The following PUS10 variants were observed in gnomAD, a reference collection of about 807,000 sequenced individuals.
PUS10 encodes the protein pseudouridine synthase 10, also known as tRNA pseudouridine synthase Pus10.
PUS10 carries 59 observed loss-of-function variants against 75.0 expected under a neutral mutation model. The observed-to-expected ratio is 0.79, with a 90% CI of 0.64 to 0.98. The LOEUF (loss-of-function observed/expected upper bound fraction) is 0.98, where lower values mean the gene tolerates loss of function less well. Ranked by LOEUF, PUS10 falls within the 50% of genes least tolerant of loss-of-function variation. PUS10 has a pLI of 0.00. For synonymous variants in PUS10, 219 were observed against 211.6 expected, an observed-to-expected ratio of 1.03 and a Z score of -0.30; for missense variants, 650 against 614.4, an observed-to-expected ratio of 1.06 and a Z score of -0.61.
chr2:60,988,155 G>A (rs1677840951), intron 4 of PUS10, among the ~76,000 whole-genome samples: 1 of 151,922 alleles, frequency 6.6e-6, no homozygotes, highest in African/African-American at 2.4e-5. Context: ...CTAGGCTCAC[G>A]AGATGTCAAA....
At chr2:60,995,415 TTTG>T (rs893765554) in intron 4 of PUS10, among the ~76,000 whole-genome samples, 6 of 152,238 alleles carry the variant, frequency 3.9e-5, no homozygotes, top group Admixed American at 3.3e-4. Flanking sequence ...TACATATATA[TTTG>T]TTATTATTAT....
intron 4 of PUS10, among the ~76,000 whole-genome samples, chr2:60,994,551 T>C (rs1678326036): frequency 6.6e-6 from 1 of 152,178 alleles, no homozygotes; most frequent in African/African-American, 2.4e-5. Flanking sequence ...AGTGCTAAAA[T>C]TGTAATTTAA....
intron 12 of PUS10, 37 bp downstream of exon 12, chr2:60,954,981 A>G (rs751030241): frequency 2.9e-6 from 4 of 1,375,096 alleles, no homozygotes; most frequent in Non-Finnish European, 3.0e-6. Context: ...ATAATCAGAA[A>G]GTTAGTTCTA....
intron 4 of PUS10, among the ~76,000 whole-genome samples, chr2:60,992,447 T>C (rs1678150193): frequency 6.6e-6 from 1 of 152,232 alleles, no homozygotes; most frequent in African/African-American, 2.4e-5. Flanking sequence ...GTCATGAATT[T>C]CTGTGATGCT....
intron 1 of PUS10, among the ~76,000 whole-genome samples, chr2:61,015,301 G>C (rs998925589): frequency 6.6e-6 from 1 of 152,140 alleles, no homozygotes. Context: ...TGGAGTTCAA[G>C]ACCAGCCTGG....
intron 4 of PUS10, among the ~76,000 whole-genome samples, chr2:60,996,793 A>G (rs61050870): frequency 6.6e-6 from 1 of 152,168 alleles, no homozygotes; most frequent in East Asian, 1.9e-4. Context: ...TGCCCATAGC[A>G]TATCTTCTTT....
chr2:61,008,732 G>T lies in PUS10; in HGVS notation c.381+29C>A, dbSNP rs1679401206. On this transcript the variant is annotated intron_variant, in intron 3 of 17. Transcript: ENST00000316752. ...TAAGACTGAAAATCTCTACATAATT[G>T]CACCTATAATGAAAAACAGGTTATT... 2.0e-6 allele frequency: 3 copies of T among 1,472,102 alleles called. No individual in the cohort carries two copies. The East Asian group carries it at 6.9e-5, about 34-fold the overall frequency. 91.2% of individuals were successfully genotyped at this position (1,472,102 alleles called of 1,614,324 possible). A position where few individuals can be genotyped will look rare whatever the true frequency, so the allele number is the denominator to read the frequency against.
intron 6 of PUS10, chr2:60,966,909 C>T (rs1414765047): frequency 6.6e-6 from 1 of 152,304 alleles, no homozygotes; most frequent in East Asian, 1.9e-4. Flanking sequence ...TTAAGATGAC[C>T]TTCCTGTTTT....
intron 16 of PUS10, 145 bp downstream of exon 16, chr2:60,947,898 A>C (rs944417764): frequency 1.4e-6 from 1 of 738,330 alleles, no homozygotes; most frequent in African/African-American, 1.8e-5. Context: ...CACATCCAAC[A>C]AAGAAACAAA....
rs777322725 is a variant in PUS10 at position 60,991,361 on chromosome 2, ATG to A, written c.468+15194_468+15195del. 4.4e-3 allele frequency among the ~76,000 whole-genome samples: 382 copies of A among 86,998 alleles called. 4 individuals are homozygous for A. The highest frequency in any genetic ancestry group is 0.041 in the Middle Eastern group (6 of 146). The allele number at this position is 86,998 out of a possible 152,430, so 57.1% of individuals were successfully genotyped here. A position where few individuals can be genotyped will look rare whatever the true frequency, so the allele number is the denominator to read the frequency against. On this transcript the variant is annotated intron_variant, in intron 4 of 17. Coordinates refer to ENST00000316752, the MANE Select transcript of PUS10 (RefSeq NM_144709.4). ...AAATAATGTCACATGAGATTTAAAC[ATG>A]TGTCAAATTAAAACACACACAATGA...
At chr2:61,009,821 G>A (rs1679481801) in intron 2 of PUS10, 1 of 152,200 alleles carries the variant, frequency 6.6e-6, no homozygotes. Flanking sequence ...TTTACTGACT[G>A]TAAAGGGAAA....
chr2:61,000,845 C>A (rs1354822295), intron 4 of PUS10, among the ~76,000 whole-genome samples: 1 of 151,926 alleles, frequency 6.6e-6, no homozygotes, highest in Non-Finnish European at 1.5e-5. Flanking sequence ...GATTTTTCAC[C>A]AAAAAAATTT....
intron 4 of PUS10, among the ~76,000 whole-genome samples, chr2:60,986,709 C>G (rs988756468): frequency 6.6e-6 from 1 of 152,172 alleles, no homozygotes; most frequent in Non-Finnish European, 1.5e-5. Context: ...GTTTAGTGTG[C>G]CTGCCATCTC....
chr2:60,952,096 G>A (rs962344603), intron 15 of PUS10, among the ~76,000 whole-genome samples: 6 of 152,246 alleles, frequency 3.9e-5, no homozygotes, highest in African/African-American at 1.4e-4. Flanking sequence ...AGCACTTTGG[G>A]AGGCTGGGGC....
In PUS10 at chr2:60,961,551, G is replaced by A. The variant is rs781360248; in HGVS notation, c.789-3C>T. The A allele has an allele frequency of 5.6e-6, 9 of 1,610,916 alleles. No homozygotes were observed. Among genetic ancestry groups the A allele is most frequent in the Non-Finnish European group, 6.8e-6 (8 of 1,177,398 alleles). On this transcript the variant is annotated splice_region_variant and splice_polypyrimidine_tract_variant and intron_variant, in intron 9 of 17. Coordinates refer to ENST00000316752, the MANE Select transcript of PUS10 (RefSeq NM_144709.4). ...AGTTTGGAGGACAAGGAAACTGCCT[G>A]CAAAACAAAATAAATTTTATAGCTA...
At position 60,960,379 on chromosome 2, in the gene PUS10, T is replaced by C; in HGVS notation, c.1000+13A>G. On this transcript the variant is annotated intron_variant, in intron 11 of 17. Transcript: ENST00000316752. Reference sequence around the variant, plus strand: ...AAAAAAAGAAAGAAAAGTATGAAGATCGTAACACTTACTCTCTGCTTTAAA... The same window carrying C: ...AAAAAAAGAAAGAAAAGTATGAAGACCGTAACACTTACTCTCTGCTTTAAA... 8 of 1,478,528 alleles carry C rather than the reference T, an allele frequency of 5.4e-6. No individual in the cohort carries two copies. Among genetic ancestry groups the C allele is most frequent in the Non-Finnish European group, 7.2e-6 (8 of 1,115,840 alleles). The allele number at this position is 1,478,528 out of a possible 1,614,324, so 91.6% of individuals were successfully genotyped here.
rs768753168 is a variant in PUS10 at position 60,942,381 on chromosome 2, T to C, written c.*14A>G. ...TGCCAGGAAAACCATACTCTTTGTC[T>C]CCAAATTTGAAAGCTAGTCATCCAG... On this transcript the variant is annotated 3_prime_UTR_variant, in exon 18 of 18. Coordinates refer to ENST00000316752, the MANE Select transcript of PUS10 (RefSeq NM_144709.4). The C allele has an allele frequency of 5.6e-6, 9 of 1,611,584 alleles. No individual in the cohort carries two copies. In the East Asian group the frequency reaches 2.0e-4, roughly 36 times the overall value.
intron 4 of PUS10, among the ~76,000 whole-genome samples, chr2:60,975,788 G>T (rs1402131152): frequency 1.3e-5 from 2 of 151,276 alleles, no homozygotes; most frequent in African/African-American, 4.9e-5. Context: ...TTGAGACAGA[G>T]TCTCACTCTG....
intron 16 of PUS10, among the ~76,000 whole-genome samples, chr2:60,947,129 C>G (rs535013778): frequency 1.3e-5 from 2 of 152,282 alleles, no homozygotes; most frequent in South Asian, 4.1e-4. Flanking sequence ...CTCTGAATCT[C>G]AACCTTTCTG....
Sources: allele counts gnomAD v4.1 joint callset (sites outside exome capture counted in the v4.1 genomes callset), GRCh38; gene constraint gnomAD v4.1.1; transcripts MANE v1.5; gene names NCBI Gene and HGNC (gene_info 2026-07-23, HGNC 2026-07-21).